PPP6R3: variants seen among roughly 807,000 people sequenced by gnomAD.
PPP6R3 encodes protein phosphatase 6 regulatory subunit 3.
A neutral mutation model predicts 110.7 loss-of-function variants in PPP6R3; 38 were observed. The ratio of observed to expected loss-of-function variants is 0.34; its 90% CI spans 0.26 to 0.45. The LOEUF is 0.45. Among genes scored for constraint, PPP6R3 ranks in the 20% least tolerant of loss-of-function variants. PPP6R3 has a pLI of 1.00. For missense variants in PPP6R3, 870 were observed against 1,062.4 expected, an observed-to-expected ratio of 0.82 and a Z score of 2.52; for synonymous variants, 369 against 373.5, an observed-to-expected ratio of 0.99 and a Z score of 0.14.
chr11:68,520,905 G>C (rs1468167727), intron 2 of PPP6R3, among the ~76,000 whole-genome samples: 4 of 152,124 alleles, frequency 2.6e-5, no homozygotes, highest in African/African-American at 9.7e-5. Context: ...CTGAGTAGCT[G>C]GGATTACAGG....
chr11:68,497,349 C>T (rs1482125117), intron 1 of PPP6R3, among the ~76,000 whole-genome samples: 1 of 151,554 alleles, frequency 6.6e-6, no homozygotes, highest in Admixed American at 6.6e-5. Context: ...CCACCACGTC[C>T]GGCCTCTGTA....
chr11:68,593,557 G>GT (rs1244768359), intron 18 of PPP6R3, among the ~76,000 whole-genome samples: 1 of 152,138 alleles, frequency 6.6e-6, no homozygotes, highest in Non-Finnish European at 1.5e-5. Context: ...AAAACGAAAA[G>GT]TTATTGTTAA....
intron 3 of PPP6R3, among the ~76,000 whole-genome samples, chr11:68,540,152 G>T (rs2099304479): frequency 6.6e-6 from 1 of 152,242 alleles, no homozygotes; most frequent in Non-Finnish European, 1.5e-5. Flanking sequence ...GGGATGAGAT[G>T]GGAAGCCACC....
At chr11:68,558,417 T>C in intron 7 of PPP6R3, 149 bp from the exon 8 acceptor site, 1 of 500,090 alleles carries the variant, frequency 2.0e-6, no homozygotes, top group Non-Finnish European at 3.5e-6. Context: ...AATTGCCTAC[T>C]TTAATAAGTA....
intron 1 of PPP6R3, among the ~76,000 whole-genome samples, chr11:68,500,624 C>T (rs901070203): frequency 6.6e-5 from 10 of 152,274 alleles, no homozygotes; most frequent in Admixed American, 3.3e-4. Context: ...ACTGCAGGTA[C>T]GTGCCACCAC....
At chr11:68,541,666 A>C (rs1220431683) in intron 3 of PPP6R3, among the ~76,000 whole-genome samples, 1 of 152,132 alleles carries the variant, frequency 6.6e-6, no homozygotes, top group Non-Finnish European at 1.5e-5. Flanking sequence ...GCTGAATGAG[A>C]TCGCCTGCAG....
chr11:68,475,571 G>A (rs1310809352), intron 1 of PPP6R3, among the ~76,000 whole-genome samples: 32 of 149,944 alleles, frequency 2.1e-4, no homozygotes, highest in Admixed American at 1.9e-3. Flanking sequence ...CGGACGGGGC[G>A]GCTGGCCGGG....
rs1046384969 is a variant in PPP6R3, at chr11:68,485,165, T to A, written c.-158+24338T>A. Among the ~76,000 whole-genome samples, 9 of 152,044 alleles carry A rather than the reference T, an allele frequency of 5.9e-5. No homozygotes were observed. In the East Asian group the frequency reaches 7.7e-4, roughly 13 times the overall value. On this transcript the variant is annotated intron_variant, in intron 1 of 23. Transcript: ENST00000393800. ...ATGTTAATATAAATAATTTTTTTTT[T>A]ATTTTCAAATTCCACTTGTTCCTTG...
At chr11:68,551,904 C>T (rs1254319324) in intron 6 of PPP6R3, among the ~76,000 whole-genome samples, 3 of 152,120 alleles carry the variant, frequency 2.0e-5, no homozygotes, top group Admixed American at 2.0e-4. Flanking sequence ...CCATTGAGCC[C>T]CTACAGTAAC....
intron 14 of PPP6R3, among the ~76,000 whole-genome samples, chr11:68,577,263 C>T (rs1015557522): frequency 7.2e-5 from 11 of 152,146 alleles, no homozygotes; most frequent in Admixed American, 3.9e-4. Context: ...GATAGATACT[C>T]GGACTATCGT....
chr11:68,600,372 A>G lies in PPP6R3; in HGVS notation c.2070A>G (p.Pro690=). 1 of 1,614,114 alleles carries G rather than the reference A, an allele frequency of 6.2e-7. No individual in the cohort carries two copies. The highest frequency in any genetic ancestry group is 8.5e-7 in the Non-Finnish European group (1 of 1,179,988). ...PPNWSANFDV[P]METTHGAPLD... The stretch of plus-strand genomic sequence containing the variant: ...ACTGGTCAGCTAACTTTGATGTCCC[A>G]ATGGAAACAACCCACGGTGCTCCAT... Residue 690 remains proline (P), a synonymous_variant, in exon 20 of 24, where the codon CCA becomes CCG. Coordinates refer to ENST00000393800, the MANE Select transcript of PPP6R3 (RefSeq NM_001164161.2).
chr11:68,523,706 TGC>T (rs1491388130), intron 2 of PPP6R3, among the ~76,000 whole-genome samples: 6 of 14,834 alleles, frequency 4.0e-4, no homozygotes, highest in African/African-American at 7.3e-4. Context: ...CATGCCCCCC[TGC>T]CCCCCCCCCC....
intron 4 of PPP6R3, among the ~76,000 whole-genome samples, chr11:68,546,121 T>G (rs192063481): frequency 6.6e-6 from 1 of 152,364 alleles, no homozygotes; most frequent in East Asian, 1.9e-4. Context: ...TTTCTTTCAC[T>G]TAATGGAGTA....
In PPP6R3 at chr11:68,569,766, A is replaced by T; in HGVS notation, c.1147A>T (p.Thr383Ser). Residue 383 changes from threonine to serine, a missense_variant, in exon 11 of 24, where the codon ACA becomes TCA. Thr to Ser is a moderately conservative substitution (Grantham distance 58, BLOSUM62 1). Transcript: ENST00000393800. Reference sequence around the variant, plus strand: ...TTTGTAGAACATGTTCTTCAAGTATACATGGAATAACTTTTTGCATACACA... The same window carrying T: ...TTTGTAGAACATGTTCTTCAAGTATTCATGGAATAACTTTTTGCATACACA... The part of the protein sequence containing the change: ...GVILNMFFKY[T>S]WNNFLHTQVE... 1 of 1,596,436 alleles carries T rather than the reference A, an allele frequency of 6.3e-7. No individual in the cohort carries two copies. Among genetic ancestry groups the T allele is most frequent in the South Asian group, 1.1e-5 (1 of 89,006 alleles).
intron 1 of PPP6R3, among the ~76,000 whole-genome samples, chr11:68,485,285 T>G (rs935588204): frequency 6.9e-6 from 1 of 144,264 alleles, no homozygotes; most frequent in South Asian, 2.2e-4. Flanking sequence ...TTTTTTTTTT[T>G]TTTTTTTCAA....
chr11:68,539,879 C>T (rs2099301781), intron 3 of PPP6R3, among the ~76,000 whole-genome samples: 2 of 152,200 alleles, frequency 1.3e-5, no homozygotes, highest in African/African-American at 4.8e-5. Context: ...ATGGTGCCAT[C>T]TGGTCAGAGC....
At chr11:68,594,832 C>A (rs940750518) in intron 18 of PPP6R3, among the ~76,000 whole-genome samples, 1 of 152,054 alleles carries the variant, frequency 6.6e-6, no homozygotes, top group African/African-American at 2.4e-5. Context: ...TTTTAAAATT[C>A]AATAGTTAAA....
In PPP6R3 at chr11:68,515,908, T is replaced by C. The variant is rs542995; in HGVS notation, c.-157-3593T>C. Among the ~76,000 whole-genome samples, 220 of 152,326 alleles carry C rather than the reference T, an allele frequency of 1.4e-3. 1 individual carries two copies. Among genetic ancestry groups the C allele is most frequent in the African/African-American group, 5.0e-3 (207 of 41,576 alleles). On this transcript the variant is annotated intron_variant, in intron 1 of 23. Transcript: ENST00000393800. ...TTTTTTTATTGTAATAAAATACATA[T>C]TAAAAAATTTACCATCTTAGCCTTT...
chr11:68,601,978 A>C lies in PPP6R3; in HGVS notation c.2299+9A>C. On this transcript the variant is annotated intron_variant, in intron 21 of 23. Transcript: ENST00000393800. ...GGCAGTGCAGCCAGAAGGTGCGTGC[A>C]GAGAGGCCTGGGTACACGCCAGGGT... 1 of 1,603,918 alleles carries C rather than the reference A, an allele frequency of 6.2e-7. No individual in the cohort carries two copies. Among genetic ancestry groups the C allele is most frequent in the Non-Finnish European group, 8.5e-7 (1 of 1,173,508 alleles).
Sources: allele counts gnomAD v4.1 joint callset (sites outside exome capture counted in the v4.1 genomes callset), GRCh38; gene constraint gnomAD v4.1.1; transcripts MANE v1.5; gene names NCBI Gene and HGNC (gene_info 2026-07-23, HGNC 2026-07-21).